GOLGB1: variants seen among roughly 807,000 people sequenced by gnomAD.
The protein encoded by GOLGB1 is golgin subfamily B member 1.
Under a neutral mutation model 336.9 loss-of-function variants are expected in GOLGB1, and 174 were observed. The observed-to-expected ratio is 0.52, with a 90% CI of 0.46 to 0.59. The LOEUF is 0.59. Ranked by LOEUF, GOLGB1 falls within the 20% of genes least tolerant of loss-of-function variation. The probability of loss-of-function intolerance (pLI) is 0.00; values close to 1 mark genes in which losing one functional copy is unlikely to be tolerated. For synonymous variants in GOLGB1, 1,208 were observed against 1,289.2 expected (o/e 0.94, Z 1.35); for missense variants, 3,331 against 3,645.3 (o/e 0.91, Z 2.22).
chr3:121,737,386 C>T (rs1946545662), intron 1 of GOLGB1, among the ~76,000 whole-genome samples: 1 of 152,186 alleles, frequency 6.6e-6, no homozygotes, highest in Non-Finnish European at 1.5e-5. Context: ...GGCGTGGTGG[C>T]TCATGCCTGT....
intron 14 of GOLGB1, among the ~76,000 whole-genome samples, chr3:121,686,578 G>T (rs1428598477): frequency 6.6e-6 from 1 of 152,046 alleles, no homozygotes; most frequent in Non-Finnish European, 1.5e-5. Flanking sequence ...TGCTAAAGAT[G>T]TACAAATAAG....
At chr3:121,665,993 TGTC>T (rs1170004270) in intron 20 of GOLGB1, among the ~76,000 whole-genome samples, 4 of 152,240 alleles carry the variant, frequency 2.6e-5, no homozygotes, top group Admixed American at 6.5e-5. Context: ...ACACCTTCTG[TGTC>T]TATTCCTCCA....
At chr3:121,676,131 A>C (rs925693777) in intron 17 of GOLGB1, among the ~76,000 whole-genome samples, 5 of 152,230 alleles carry the variant, frequency 3.3e-5, no homozygotes, top group African/African-American at 1.2e-4. Context: ...CTTCAGTGTC[A>C]ATTAGTTGAA....
chr3:121,715,369 ATTTTTTT>A (rs373634444), intron 9 of GOLGB1, among the ~76,000 whole-genome samples: 10 of 128,594 alleles, frequency 7.8e-5, no homozygotes, highest in African/African-American at 1.2e-4. Flanking sequence ...TGCCTGGCTA[ATTTTTTT>A]TTTTTTTTTT....
In GOLGB1 at chr3:121,695,307, T is replaced by C. The variant is rs1480993954; in HGVS notation, c.5216A>G (p.Glu1739Gly). 1 of 1,613,958 alleles carries C rather than the reference T, an allele frequency of 6.2e-7. No homozygotes were observed. The highest frequency in any genetic ancestry group is 1.3e-5 in the African/African-American group (1 of 74,906). ...MKEELERVKM[E>G]YETLSKKFQS... ...AAACTTCTTAGAAAGGGTTTCATAC[T>C]CCATTTTGACCCTTTCAAGTTCTTC... The change falls in exon 13 of 22, where the codon GAG (glutamate) becomes GGG (glycine). Residue 1739 changes from glutamate (E) to glycine (G), a missense_variant. Transcript: ENST00000614479.
At chr3:121,681,999 T>TG (rs1941129938) in intron 14 of GOLGB1, 134 bp from the exon 15 acceptor site, 1 of 645,618 alleles carries the variant, frequency 1.5e-6, no homozygotes, top group African/African-American at 1.8e-5. Flanking sequence ...TGATGACATA[T>TG]CACTGCAACA....
intron 20 of GOLGB1, 136 bp downstream of exon 20, chr3:121,667,340 T>A (rs1938768778): frequency 2.4e-6 from 2 of 846,838 alleles, no homozygotes; most frequent in Non-Finnish European, 3.7e-6. Flanking sequence ...GTGACCACAA[T>A]GTTGGTAAAC....
At chr3:121,748,522 G>A (rs187598733) in intron 1 of GOLGB1, among the ~76,000 whole-genome samples, 20 of 152,300 alleles carry the variant, frequency 1.3e-4, no homozygotes, top group African/African-American at 3.6e-4. Flanking sequence ...AATGTACAAT[G>A]CCTGCAACTT....
Position 121,698,028 on chromosome 3 carries a change from G to A in GOLGB1, c.2495C>T (p.Ser832Phe). 1 of 1,614,068 alleles carries A rather than the reference G, an allele frequency of 6.2e-7. No homozygotes were observed. The change falls in exon 13 of 22, where the codon TCT becomes TTT. Residue 832 changes from serine to phenylalanine, a missense_variant. Physicochemically the swap from Ser to Phe is radical, Grantham distance 155 (BLOSUM62 -2). Transcript: ENST00000614479. ...GCTTCTTATCAGGGTACTCTGCTCA[G>A]AAAACTGAAGCTGCACATCATCCAG... ...NELDDVQLQF[S>F]EQSTLIRSLQ...
Position 121,692,266 on chromosome 3 carries a change from A to G in GOLGB1, c.7098T>C (p.Thr2366=). ...NSKFSYEQLE[T]DLQASRELTS... is the part of the protein sequence containing the mutation. Reference sequence around the variant, plus strand: ...TCAGTTCTCTGGAGGCCTGAAGATCAGTCTCCAGTTGTTCATAACTGAACT... The same window carrying G: ...TCAGTTCTCTGGAGGCCTGAAGATCGGTCTCCAGTTGTTCATAACTGAACT... The change falls in exon 14 of 22, where the codon ACT becomes ACC. Residue 2366 remains threonine, a synonymous_variant. Transcript: ENST00000614479. 1 of 1,607,486 alleles carries G rather than the reference A, an allele frequency of 6.2e-7. No homozygotes were observed. The highest frequency in any genetic ancestry group is 8.5e-7 in the Non-Finnish European group (1 of 1,178,096).
At position 121,719,687 on chromosome 3, in the gene GOLGB1, G is replaced by A; in HGVS notation, c.730C>T (p.Gln244Ter). 6.2e-7 allele frequency: 1 copy of A among 1,610,760 alleles called. No homozygotes were observed. Among genetic ancestry groups the A allele is most frequent in the Non-Finnish European group, 8.5e-7 (1 of 1,178,142 alleles). The change falls in exon 7 of 22, where the codon CAG (glutamine) becomes TAG (stop). Residue 244 changes from glutamine (Q) to a stop codon, truncating the protein, a stop_gained. Coordinates refer to ENST00000614479, the MANE Select transcript of GOLGB1 (RefSeq NM_001366282.2). LOFTEE classifies it high-confidence loss of function. Reference sequence around the variant, plus strand: ...TCCACATCTGCCTGGGTTACTAACTGAAGAAGCTCATCTTCATGAAGACGA... The same window carrying A: ...TCCACATCTGCCTGGGTTACTAACTAAAGAAGCTCATCTTCATGAAGACGA... ...QVRLHEDELL[Q>*]LVTQADVETE...
chr3:121,696,621 C>A lies in GOLGB1; in HGVS notation c.3902G>T (p.Ser1301Ile), dbSNP rs777928373. ...AACAGAAGTTCCGCCCTGCAGAGCA[C>A]TCGCATCTTCAGAATGAGAAGGCCA... ...PDWPSHSEDA[S>I]ALQGGTSVAQ... The change falls in exon 13 of 22, where the codon AGT (serine) becomes ATT (isoleucine). Residue 1301 changes from serine to isoleucine, a missense_variant. Physicochemically the swap from Ser to Ile is moderately radical, Grantham distance 142 (BLOSUM62 -2). Coordinates refer to ENST00000614479, the MANE Select transcript of GOLGB1 (RefSeq NM_001366282.2). The A allele has an allele frequency of 1.2e-6, 2 of 1,614,180 alleles. No individual in the cohort carries two copies. Among genetic ancestry groups the A allele is most frequent in the South Asian group, 2.2e-5 (2 of 91,084 alleles).
At chr3:121,679,399 C>T (rs1404340740) in intron 15 of GOLGB1, among the ~76,000 whole-genome samples, 1 of 152,170 alleles carries the variant, frequency 6.6e-6, no homozygotes, top group Non-Finnish European at 1.5e-5. Flanking sequence ...AGCTAGGGAT[C>T]CCCAGACTTG....
At chr3:121,678,809 C>T (rs1031228376) in intron 15 of GOLGB1, among the ~76,000 whole-genome samples, 4 of 152,244 alleles carry the variant, frequency 2.6e-5, no homozygotes, top group African/African-American at 9.6e-5. Context: ...GCCTTGGCCT[C>T]CCAAAGTGCT....
chr3:121,711,472 C>A (rs1347568142), intron 10 of GOLGB1, among the ~76,000 whole-genome samples: 2 of 151,988 alleles, frequency 1.3e-5, no homozygotes, highest in Admixed American at 6.6e-5. Context: ...AGAAACAATG[C>A]AAGAAAGTCC....
At chr3:121,670,365 A>G (rs929469891) in intron 17 of GOLGB1, among the ~76,000 whole-genome samples, 3 of 152,212 alleles carry the variant, frequency 2.0e-5, no homozygotes, top group African/African-American at 7.2e-5. Flanking sequence ...AAAAAGTTGA[A>G]ACAAACAATG....
At chr3:121,719,916 G>A (rs371167649) in intron 6 of GOLGB1, 148 bp from the exon 7 acceptor site, 1 of 596,528 alleles carries the variant, frequency 1.7e-6, no homozygotes. Flanking sequence ...GAGGATGTTG[G>A]AAGAGAGATA....
At position 121,694,167 on chromosome 3, in the gene GOLGB1, C is replaced by T. The variant is rs1942725559; in HGVS notation, c.6356G>A (p.Ser2119Asn). The change falls in exon 13 of 22, where the codon AGC becomes AAC. Residue 2119 changes from serine (S) to asparagine (N), a missense_variant. Coordinates refer to ENST00000614479, the MANE Select transcript of GOLGB1 (RefSeq NM_001366282.2). ...ATCTTCATCCTTTTGTTTCATCTGG[C>T]TTTTAACTGATTCTTTATTTGACTG... ...ELQSNKESVK[S>N]QMKQKDEDLE... 6.2e-7 allele frequency: 1 copy of T among 1,613,586 alleles called. No homozygotes were observed. The highest frequency in any genetic ancestry group is 8.5e-7 in the Non-Finnish European group (1 of 1,180,002).
chr3:121,735,291 T>G (rs1052423543), intron 1 of GOLGB1, among the ~76,000 whole-genome samples: 1 of 152,198 alleles, frequency 6.6e-6, no homozygotes, highest in East Asian at 1.9e-4. Flanking sequence ...TACAATTTTT[T>G]TAAAACCTCA....
Sources: gnomAD v4.1 joint callset for allele counts (sites outside exome capture counted in the v4.1 genomes callset) on GRCh38, gnomAD v4.1.1 for gene constraint, MANE v1.5 for transcripts, NCBI Gene and HGNC (gene_info 2026-07-23, HGNC 2026-07-21) for gene names.